MSH6: variants seen among roughly 807,000 people sequenced by gnomAD.
MSH6 encodes the protein DNA mismatch repair protein Msh6.
MSH6 carries 85 observed loss-of-function variants against 119.1 expected under a neutral mutation model. That is an observed-to-expected ratio of 0.71 (90% CI 0.60 to 0.85). The LOEUF (loss-of-function observed/expected upper bound fraction) is 0.85. Among genes scored for constraint, MSH6 ranks in the 40% least tolerant of loss-of-function variants. The probability of loss-of-function intolerance (pLI) is 0.00; values close to 1 mark genes in which losing one functional copy is unlikely to be tolerated. For synonymous variants in MSH6, 830 were observed against 586.9 expected (o/e 1.41, Z -5.99); for missense variants, 2,163 against 1,655.3 (o/e 1.31, Z -5.32).
At chr2:47,798,041 A>G (rs1198877129) in intron 3 of MSH6, 1 of 213,440 alleles carries the variant, frequency 4.7e-6, no homozygotes, top group Non-Finnish European at 9.8e-6. Flanking sequence ...CCCTTCTTGT[A>G]TTATGTCACT....
rs1572727770 is a variant in MSH6, at chr2:47,800,581, A to C, written c.2598A>C (p.Lys866Asn). Reference protein sequence around the residue: ...IDFLSALEGFKVMCKIIGIME... With the variant: ...IDFLSALEGFNVMCKIIGIME... Reference sequence around the variant, plus strand: ...TTCTTTCTGCTCTGGAAGGATTCAAAGTAATGTGTAAAATTATAGGGATCA... The same window carrying C: ...TTCTTTCTGCTCTGGAAGGATTCAACGTAATGTGTAAAATTATAGGGATCA... Residue 866 changes from lysine to asparagine, a missense_variant, in exon 4 of 10, where the codon AAA becomes AAC. Transcript: ENST00000234420. The C allele has an allele frequency of 6.2e-7, 1 of 1,614,156 alleles. No homozygotes were observed. The highest frequency in any genetic ancestry group is 8.5e-7 in the Non-Finnish European group (1 of 1,180,022).
intron 1 of MSH6, among the ~76,000 whole-genome samples, chr2:47,789,865 C>G (rs1329230977): frequency 6.6e-6 from 1 of 151,852 alleles, no homozygotes; most frequent in Non-Finnish European, 1.5e-5. Flanking sequence ...CTCTGTTGCC[C>G]AGGCTGGAGT....
chr2:47,783,957 G>A (rs1325674543), intron 1 of MSH6: 4 of 1,041,078 alleles, frequency 3.8e-6, no homozygotes, highest in Non-Finnish European at 4.6e-6. Context: ...AACGGGGAGA[G>A]TCCGGTGGTG....
chr2:47,785,599 C>G (rs910874090), intron 1 of MSH6, among the ~76,000 whole-genome samples: 2 of 152,202 alleles, frequency 1.3e-5, no homozygotes, highest in Non-Finnish European at 2.9e-5. Flanking sequence ...TGAGATTTTT[C>G]TAAGTGTAAT....
At position 47,791,091 on chromosome 2, in the gene MSH6, G is replaced by A. The variant is rs1668701493; in HGVS notation, c.425G>A (p.Trp142Ter). 1 of 1,614,190 alleles carries A rather than the reference G, an allele frequency of 6.2e-7. No homozygotes were observed. Among genetic ancestry groups the A allele is most frequent in the Non-Finnish European group, 8.5e-7 (1 of 1,180,044 alleles). The change falls in exon 2 of 10, where the codon TGG (tryptophan) becomes TAG (stop). Residue 142 changes from tryptophan to a stop codon, truncating the protein, a stop_gained. Coordinates refer to ENST00000234420, the MANE Select transcript of MSH6 (RefSeq NM_000179.3). LOFTEE classifies it high-confidence loss of function. Reference protein sequence around the residue: ...QFFDDSPTRGWVSKRLLKPYT... With the variant: ...QFFDDSPTRG ...TTTGATGACAGCCCAACAAGGGGCT[G>A]GGTTAGCAAAAGGCTTTTAAAGCCA...
chr2:47,792,809 G>A (rs1313715364), intron 2 of MSH6, among the ~76,000 whole-genome samples: 1 of 150,232 alleles, frequency 6.7e-6, no homozygotes, highest in Non-Finnish European at 1.5e-5. Context: ...ACCGGGACTA[G>A]AGGTGTCTGC....
chr2:47,799,428 G>A lies in MSH6; in HGVS notation c.1445G>A (p.Arg482Gln), dbSNP rs773226008. 2.5e-6 allele frequency: 4 copies of A among 1,614,132 alleles called. No homozygotes were observed. The highest frequency in any genetic ancestry group is 3.3e-5 in the Admixed American group (2 of 60,006). The change falls in exon 4 of 10, where the codon CGA (arginine) becomes CAA (glutamine). Residue 482 changes from arginine to glutamine, a missense_variant. By Grantham distance (43) the Arg-to-Gln change is conservative (BLOSUM62 1). Coordinates refer to ENST00000234420, the MANE Select transcript of MSH6 (RefSeq NM_000179.3). ...SLVQKGYKVA[R>Q]VEQTETPEMM... ...GTGCAGAAGGGCTATAAAGTAGCACGAGTGGAACAGACTGAGACTCCAGAA... is the reference window on the plus strand; with the variant it reads ...GTGCAGAAGGGCTATAAAGTAGCACAAGTGGAACAGACTGAGACTCCAGAA...
Position 47,798,603 on chromosome 2 carries a change from C to A in MSH6, c.628-8C>A, listed in dbSNP as rs767991179. The A allele has an allele frequency of 3.1e-6, 5 of 1,608,370 alleles. No individual in the cohort carries two copies. Among genetic ancestry groups the A allele is most frequent in the South Asian group, 2.2e-5 (2 of 91,022 alleles). ...TTTGTTTTTAAATACTCTTTCCTTG[C>A]CTGGCAGGTAGGCACAACTTACGTA... is the stretch of plus-strand genomic sequence containing the variant. On this transcript the variant is annotated splice_region_variant and splice_polypyrimidine_tract_variant and intron_variant, in intron 3 of 9. Coordinates refer to ENST00000234420, the MANE Select transcript of MSH6 (RefSeq NM_000179.3).
chr2:47,792,441 T>G (rs995312094), intron 2 of MSH6, among the ~76,000 whole-genome samples: 2 of 152,206 alleles, frequency 1.3e-5, no homozygotes, highest in African/African-American at 4.8e-5. Context: ...GAAAGAGAAT[T>G]GGGAAGTTTT....
chr2:47,794,774 G>GT (rs1330367754), intron 2 of MSH6, among the ~76,000 whole-genome samples: 8 of 152,076 alleles, frequency 5.3e-5, no homozygotes, highest in Admixed American at 5.2e-4. Context: ...GTAACTGACA[G>GT]TGTAGTCTTT....
chr2:47,799,673 T>C lies in MSH6; in HGVS notation c.1690T>C (p.Ser564Pro), dbSNP rs876661163. 6.2e-7 allele frequency: 1 copy of C among 1,614,214 alleles called. No homozygotes were observed. Among genetic ancestry groups the C allele is most frequent in the Non-Finnish European group, 8.5e-7 (1 of 1,180,040 alleles). The part of the protein sequence containing the change: ...RAYGVCFVDT[S>P]LGKFFIGQFS... ...ATATGGTGTGTGCTTTGTTGATACT[T>C]CACTGGGAAAGTTTTTCATAGGTCA... The change falls in exon 4 of 10, where the codon TCA becomes CCA. Residue 564 changes from serine (S) to proline (P), a missense_variant. Ser to Pro is a moderately conservative substitution (Grantham distance 74). Coordinates refer to ENST00000234420, the MANE Select transcript of MSH6 (RefSeq NM_000179.3).
chr2:47,801,361 G>GTTTTTTTTTTTCTTTTTTTTTT (rs1669577708), intron 4 of MSH6: 1 of 84,402 alleles, frequency 1.2e-5, no homozygotes, highest in Non-Finnish European at 2.0e-5. Flanking sequence ...CCTTTCTTCA[G>GTTTTTTTTTTTCTTTTTTTTTT]TTTTTTTTTT....
intron 1 of MSH6, among the ~76,000 whole-genome samples, chr2:47,785,285 T>A (rs1422377278): frequency 6.6e-6 from 1 of 152,186 alleles, no homozygotes; most frequent in Admixed American, 6.5e-5. Context: ...TGGAGTGCTG[T>A]GGCGCTTTCT....
rs144288981 is a variant in MSH6 at position 47,800,947 on chromosome 2, C to G, written c.2964C>G (p.Arg988=). 1 of 1,572,048 alleles carries G rather than the reference C, an allele frequency of 6.4e-7. No homozygotes were observed. The highest frequency in any genetic ancestry group is 2.2e-5 in the East Asian group (1 of 44,506). ...AAATTCCTGAGAATTTCACCACTCG[C>G]AATTTGCCAGAAGAATACGAGTTGA... ...QLEIPENFTT[R]NLPEEYELKS... Residue 988 remains arginine, a synonymous_variant, in exon 4 of 10, where the codon CGC becomes CGG. Coordinates refer to ENST00000234420, the MANE Select transcript of MSH6 (RefSeq NM_000179.3).
downstream of MSH6, chr2:47,809,277 A>C (rs1670448775): frequency 6.8e-7 from 1 of 1,465,350 alleles, no homozygotes; most frequent in Non-Finnish European, 9.4e-7. Flanking sequence ...CTGTAATAAA[A>C]GAAAGAATAA....
chr2:47,806,524 G>A lies in MSH6; in HGVS notation c.3874G>A (p.Gly1292Arg), dbSNP rs1670110414. Residue 1292 changes from glycine to arginine, a missense_variant, in exon 9 of 10, where the codon GGA (glycine) becomes AGA (arginine). Transcript: ENST00000234420. ...TACGTTCCTCTATAAATTCATTAAG[G>A]GAGCTTGTCCTAAAAGCTATGGCTT... ...TITFLYKFIK[G>R]ACPKSYGFNA... The A allele has an allele frequency of 1.2e-6, 2 of 1,613,912 alleles. No individual in the cohort carries two copies. The highest frequency in any genetic ancestry group is 1.7e-6 in the Non-Finnish European group (2 of 1,179,936).
Position 47,803,494 on chromosome 2 carries a change from G to C in MSH6, c.3247G>C (p.Glu1083Gln), listed in dbSNP as rs763844573. 6.2e-7 allele frequency: 1 copy of C among 1,614,048 alleles called. No individual in the cohort carries two copies. Among genetic ancestry groups the C allele is most frequent in the South Asian group, 1.1e-5 (1 of 91,078 alleles). The change falls in exon 5 of 10, where the codon GAA (glutamate) becomes CAA (glutamine). Residue 1083 changes from glutamate (E) to glutamine (Q), a missense_variant. Transcript: ENST00000234420. ...GTGTCGCCCAGTAATTCTGTTGCCG[G>C]AAGATACCCCCCCCTTCTTAGAGCT... ...PMCRPVILLP[E>Q]DTPPFLELKG...
downstream of MSH6, chr2:47,808,665 C>T (rs1670394877): frequency 7.4e-6 from 3 of 403,432 alleles, no homozygotes; most frequent in Non-Finnish European, 1.3e-5. Flanking sequence ...GTTCTTTCCA[C>T]TTTAAAAGCC....
chr2:47,791,249 A>G (rs1668715568), intron 2 of MSH6, 126 bp downstream of exon 2: 1 of 864,534 alleles, frequency 1.2e-6, no homozygotes, highest in Non-Finnish European at 1.9e-6. Context: ...GTAAATTGCA[A>G]GGGGTGGCAG....
Sources: gnomAD v4.1 joint callset for allele counts (sites outside exome capture counted in the v4.1 genomes callset) on GRCh38, gnomAD v4.1.1 for gene constraint, MANE v1.5 for transcripts, NCBI Gene and HGNC (gene_info 2026-07-23, HGNC 2026-07-21) for gene names.